RBFOX1: variants seen among roughly 807,000 people sequenced by gnomAD.
RBFOX1 encodes the protein RNA binding protein fox-1 homolog 1.
In RBFOX1, 8 loss-of-function variants were observed where a neutral mutation model predicts 57.7. The ratio of observed to expected loss-of-function variants is 0.14; its 90% CI spans 0.08 to 0.25. RBFOX1 has a LOEUF of 0.25. Ranked by LOEUF, RBFOX1 falls within the 10% of genes least tolerant of loss-of-function variation. The pLI is 1.00. For missense variants in RBFOX1, 611 were observed against 548.5 expected, an observed-to-expected ratio of 1.11 and a Z score of -1.14; for synonymous variants, 326 against 222.4, an observed-to-expected ratio of 1.47 and a Z score of -4.15.
rs184359342 is a variant in RBFOX1, at chr16:6,480,372, C to T, written c.-64+163315C>T. On this transcript the variant is annotated intron_variant, in intron 2 of 15. Coordinates refer to ENST00000550418, the MANE Select transcript of RBFOX1 (RefSeq NM_018723.4). ...TTGGTCTCTCACAGACACTAAACTC[C>T]GCATTTGCAGATGAAGGCAGTCGTA... Among the ~76,000 whole-genome samples, 98 of 152,280 alleles carry T rather than the reference C, an allele frequency of 6.4e-4. 3 individuals are homozygous for T. The East Asian group carries it at 0.014, about 21-fold the overall frequency.
chr16:7,375,966 A>G (rs957489411), intron 4 of RBFOX1, among the ~76,000 whole-genome samples: 5 of 152,224 alleles, frequency 3.3e-5, no homozygotes, highest in Non-Finnish European at 7.3e-5. Context: ...AACTAGAGCC[A>G]TTGGTAGGCC....
At chr16:7,072,655 G>T (rs914637943) in intron 4 of RBFOX1, among the ~76,000 whole-genome samples, 25 of 152,122 alleles carry the variant, frequency 1.6e-4, no homozygotes, top group Non-Finnish European at 2.6e-4. Context: ...TATTTCAGAG[G>T]ATCTTCTGTT....
At chr16:5,446,011 A>G in intron 1 of RBFOX1, among the ~76,000 whole-genome samples, 1 of 152,306 alleles carries the variant, frequency 6.6e-6, no homozygotes, top group Admixed American at 6.5e-5. Context: ...AATCACATTG[A>G]TTTTTTGTTG....
At chr16:5,974,250 G>C (rs543637650) in intron 4 of RBFOX1, among the ~76,000 whole-genome samples, 1 of 152,266 alleles carries the variant, frequency 6.6e-6, no homozygotes, top group African/African-American at 2.4e-5. Context: ...TGCAAAGAGA[G>C]GTAGAGTTTC....
intron 1 of RBFOX1, among the ~76,000 whole-genome samples, chr16:6,152,319 GCT>G (rs2096803266): frequency 6.6e-6 from 1 of 151,894 alleles, no homozygotes; most frequent in Non-Finnish European, 1.5e-5. Context: ...CTTTTCTCCT[GCT>G]CTCTGTCTTT....
chr16:6,690,758 CTTT>C (rs71145276), intron 3 of RBFOX1, among the ~76,000 whole-genome samples: 3 of 141,072 alleles, frequency 2.1e-5, no homozygotes, highest in Non-Finnish European at 4.6e-5. Context: ...TTCTTTCTTT[CTTT>C]TTTTTTTTTT....
chr16:5,620,747 T>A (rs747179464), intron 3 of RBFOX1, among the ~76,000 whole-genome samples: 1 of 152,204 alleles, frequency 6.6e-6, no homozygotes, highest in African/African-American at 2.4e-5. Flanking sequence ...GGCAGGATCA[T>A]GGCTTGCTGC....
At chr16:6,639,269 C>G (rs1274182296) in intron 2 of RBFOX1, among the ~76,000 whole-genome samples, 4 of 152,170 alleles carry the variant, frequency 2.6e-5, no homozygotes, top group East Asian at 1.9e-4. Context: ...GTCTTTCTGT[C>G]TATCTGATTC....
At chr16:7,110,439 A>T (rs1189461125) in intron 4 of RBFOX1, among the ~76,000 whole-genome samples, 3 of 152,190 alleles carry the variant, frequency 2.0e-5, no homozygotes, top group Admixed American at 2.0e-4. Flanking sequence ...AAACACAGCA[A>T]ATATGAGTGG....
chr16:6,790,169 C>CTATTATTATTATTATTATTAT lies in RBFOX1; in HGVS notation c.-16+135530_-16+135550dup, dbSNP rs71145294. Among the ~76,000 whole-genome samples, 197 of 141,536 alleles carry CTATTATTATTATTATTATTAT rather than the reference C, an allele frequency of 1.4e-3. 2 individuals carry two copies. The highest frequency in any genetic ancestry group is 9.7e-3 in the East Asian group (47 of 4,842). The allele number at this position is 141,536 out of a possible 152,430, so 92.9% of individuals were successfully genotyped here. On this transcript the variant is annotated intron_variant, in intron 3 of 15. Coordinates refer to ENST00000550418, the MANE Select transcript of RBFOX1 (RefSeq NM_018723.4). ...CTTAGATTCTGGATTTTATTTTATT[C>CTATTATTATTATTATTATTAT]TATTATTATTATTATTATTATTATT...
At chr16:5,679,989 A>G (rs774466445) in intron 3 of RBFOX1, among the ~76,000 whole-genome samples, 1 of 152,240 alleles carries the variant, frequency 6.6e-6, no homozygotes, top group Non-Finnish European at 1.5e-5. Context: ...AAAAGGAGGA[A>G]CAAAGGAATA....
intron 3 of RBFOX1, among the ~76,000 whole-genome samples, chr16:6,657,691 A>C (rs11646003): frequency 0.055 from 8,341 of 152,236 alleles, 253 homozygotes; most frequent in African/African-American, 0.059. Context: ...GTGGAATTGA[A>C]GTGACAAGAG....
intron 4 of RBFOX1, among the ~76,000 whole-genome samples, chr16:5,897,367 A>G (rs2058193781): frequency 6.6e-6 from 1 of 151,792 alleles, no homozygotes; most frequent in Non-Finnish European, 1.5e-5. Context: ...AAGGCATTCC[A>G]CTCTGCTTTC....
rs1355809128 is a variant in RBFOX1, at chr16:6,985,243, GC to G, written c.-15-66813del. Among the ~76,000 whole-genome samples, 15 of 150,178 alleles carry G rather than the reference GC, an allele frequency of 1.0e-4. 1 individual carries two copies. Among genetic ancestry groups the G allele is most frequent in the African/African-American group, 3.7e-4 (15 of 40,760 alleles). ...TTCTCTGGCCTCTTGTCTTTTCTGG[GC>G]TACATGCCACATATTGGTAGGGAAT... is the stretch of plus-strand genomic sequence containing the variant. On this transcript the variant is annotated intron_variant, in intron 3 of 15. Transcript: ENST00000550418.
intron 3 of RBFOX1, among the ~76,000 whole-genome samples, chr16:6,818,676 C>T (rs1323988172): frequency 6.6e-6 from 1 of 152,130 alleles, no homozygotes; most frequent in Admixed American, 6.6e-5. Context: ...TCTGGTAAAG[C>T]CCCTTAGTGT....
At position 5,961,404 on chromosome 16, in the gene RBFOX1, G is replaced by T. The variant is rs181717495; in HGVS notation, c.351+94069G>T. On this transcript the variant is annotated intron_variant, in intron 4 of 19. Coordinates refer to the RBFOX1 transcript ENST00000641259. ...AGCCAGAACCTAAATTCGGGTGGTG[G>T]GACAGAAATTCTTAACCCTTACTTC... is the stretch of plus-strand genomic sequence containing the variant. Among the ~76,000 whole-genome samples the T allele has an allele frequency of 7.2e-5, 11 of 151,864 alleles. No homozygotes were observed. The East Asian group carries it at 1.9e-3, about 27-fold the overall frequency.
chr16:7,228,855 G>A (rs574396474), intron 4 of RBFOX1, among the ~76,000 whole-genome samples: 2 of 152,200 alleles, frequency 1.3e-5, no homozygotes, highest in African/African-American at 4.8e-5. Flanking sequence ...AAAATGAAAA[G>A]TGAGTGTTTT....
intron 4 of RBFOX1, among the ~76,000 whole-genome samples, chr16:5,908,332 ATGTGTGTGTG>A (rs879393323): frequency 7.3e-6 from 1 of 137,464 alleles, no homozygotes; most frequent in Non-Finnish European, 1.6e-5. Context: ...ACATATATAT[ATGTGTGTGTG>A]TGTGTGTGTG....
chr16:6,999,460 A>C (rs962113994), intron 3 of RBFOX1, among the ~76,000 whole-genome samples: 1 of 151,292 alleles, frequency 6.6e-6, no homozygotes, highest in East Asian at 2.0e-4. Context: ...TTTGAGACGG[A>C]GTCTTGCTCT....
Sources: allele counts gnomAD v4.1 joint callset (sites outside exome capture counted in the v4.1 genomes callset), GRCh38; gene constraint gnomAD v4.1.1; transcripts MANE v1.5; gene names NCBI Gene and HGNC (gene_info 2026-07-23, HGNC 2026-07-21).